The following GFRAL variants were observed in gnomAD, a reference collection of about 807,000 sequenced individuals.
GFRAL encodes the protein GDNF family receptor alpha-like.
A neutral mutation model predicts 45.4 loss-of-function variants in GFRAL; 36 were observed. That is an observed-to-expected ratio of 0.79 (90% confidence interval 0.61 to 1.05). The LOEUF is 1.05. Among genes scored for constraint, GFRAL ranks in the 50% least tolerant of loss-of-function variants. The pLI is 0.00. For missense variants in GFRAL, 507 were observed against 467.5 expected (o/e 1.08, Z -0.78); for synonymous variants, 166 against 154.1 (o/e 1.08, Z -0.57).
rs1292463664 is a variant in GFRAL, at chr6:55,402,493, C to A, written c.*640C>A. ...ACAGAAATAAAGTTTCCCTTGAAGG[C>A]AAAAAGTGTTATCCCAAGTCACATT... On this transcript the variant is annotated 3_prime_UTR_variant, in exon 9 of 9. Transcript: ENST00000340465. The A allele has an allele frequency of 6.6e-6, 1 of 151,938 alleles. No homozygotes were observed. Among genetic ancestry groups the A allele is most frequent in the Non-Finnish European group, 1.5e-5 (1 of 67,982 alleles). The allele number at this position is 151,938 out of a possible 1,614,324, so 9.4% of individuals were successfully genotyped here.
intron 6 of GFRAL, among the ~76,000 whole-genome samples, chr6:55,385,521 A>C (rs1464312262): frequency 6.6e-6 from 1 of 152,112 alleles, no homozygotes; most frequent in African/African-American, 2.4e-5. Flanking sequence ...TACCCAAAAG[A>C]AAACAGAGGC....
chr6:55,336,374 A>T (rs1447465112), intron 3 of GFRAL, among the ~76,000 whole-genome samples: 1 of 152,182 alleles, frequency 6.6e-6, no homozygotes, highest in South Asian at 2.1e-4. Context: ...AGATTTATTA[A>T]CATGATATAT....
At chr6:55,342,140 C>A (rs535989676) in intron 3 of GFRAL, among the ~76,000 whole-genome samples, 1 of 152,184 alleles carries the variant, frequency 6.6e-6, no homozygotes, top group Non-Finnish European at 1.5e-5. Context: ...TCTAGCAAGG[C>A]AGACCAACAT....
intron 6 of GFRAL, among the ~76,000 whole-genome samples, chr6:55,376,836 A>G (rs1004288427): frequency 4.6e-5 from 7 of 151,610 alleles, no homozygotes; most frequent in African/African-American, 1.2e-4. Flanking sequence ...ATCTTCTTCA[A>G]TTTATCTTGG....
rs70986715 is a variant in GFRAL, at chr6:55,397,524, C to CAAAAAAA, written c.953-1636_953-1630dup. ...TGGGCGACAGAGCGAGACTCCGTCT[C>CAAAAAAA]AAAAAAAAAAAAAAAAAAAAAAAAA... On this transcript the variant is annotated intron_variant, in intron 6 of 8. Coordinates refer to ENST00000340465, the MANE Select transcript of GFRAL (RefSeq NM_207410.2). Among the ~76,000 whole-genome samples the CAAAAAAA allele has an allele frequency of 1.3e-4, 9 of 67,412 alleles. 1 individual carries two copies. Among genetic ancestry groups the CAAAAAAA allele is most frequent in the Non-Finnish European group, 2.4e-4 (9 of 36,882 alleles). The allele number at this position is 67,412 out of a possible 152,430, so 44.2% of individuals were successfully genotyped here.
intron 6 of GFRAL, among the ~76,000 whole-genome samples, chr6:55,391,105 C>T (rs536220470): frequency 1.3e-5 from 2 of 152,032 alleles, no homozygotes; most frequent in East Asian, 1.9e-4. Context: ...ATCTAGTGGA[C>T]GACTCATTTA....
intron 6 of GFRAL, among the ~76,000 whole-genome samples, chr6:55,395,903 G>A (rs969930286): frequency 6.6e-6 from 1 of 151,960 alleles, no homozygotes; most frequent in African/African-American, 2.4e-5. Flanking sequence ...CCCATCAAAT[G>A]TACAAGGATT....
intron 8 of GFRAL, among the ~76,000 whole-genome samples, chr6:55,400,464 C>A (rs1768881745): frequency 6.6e-6 from 1 of 152,062 alleles, no homozygotes; most frequent in Non-Finnish European, 1.5e-5. Context: ...AAGGCCTTGA[C>A]AATTAGGCAA....
chr6:55,367,113 A>G (rs1484901067), intron 6 of GFRAL, among the ~76,000 whole-genome samples: 4 of 95,204 alleles, frequency 4.2e-5, no homozygotes, highest in African/African-American at 2.1e-4. Flanking sequence ...TGCTTTATGA[A>G]TCTTGGTGCT....
intron 3 of GFRAL, 139 bp downstream of exon 3, chr6:55,334,083 T>C: frequency 1.6e-6 from 1 of 613,214 alleles, no homozygotes; most frequent in Non-Finnish European, 2.6e-6. Context: ...TTTAAAAATT[T>C]TGTTGGTATA....
chr6:55,360,060 G>A (rs1025689131), intron 6 of GFRAL, among the ~76,000 whole-genome samples: 4 of 151,866 alleles, frequency 2.6e-5, no homozygotes, highest in African/African-American at 9.7e-5. Flanking sequence ...GTTTAATTTA[G>A]GGACAAGAAA....
At chr6:55,385,568 A>G (rs1401646997) in intron 6 of GFRAL, among the ~76,000 whole-genome samples, 2 of 152,124 alleles carry the variant, frequency 1.3e-5, no homozygotes, top group African/African-American at 4.8e-5. Context: ...TCACAAAAAA[A>G]GACAATAGAG....
intron 5 of GFRAL, among the ~76,000 whole-genome samples, chr6:55,356,676 A>T (rs937536465): frequency 1.3e-5 from 2 of 151,322 alleles, no homozygotes; most frequent in Non-Finnish European, 3.0e-5. Flanking sequence ...AATCTTTTGA[A>T]TTTTTTTTGT....
At chr6:55,371,839 A>G (rs1200009216) in intron 6 of GFRAL, among the ~76,000 whole-genome samples, 1 of 152,216 alleles carries the variant, frequency 6.6e-6, no homozygotes, top group Non-Finnish European at 1.5e-5. Context: ...TTTGTACAAA[A>G]AGGAAAAAAA....
chr6:55,395,353 T>C (rs1053999389), intron 6 of GFRAL, among the ~76,000 whole-genome samples: 1 of 151,768 alleles, frequency 6.6e-6, no homozygotes, highest in Non-Finnish European at 1.5e-5. Flanking sequence ...CCTCCACATA[T>C]GAAATATAAA....
intron 3 of GFRAL, among the ~76,000 whole-genome samples, chr6:55,338,109 G>C (rs1418412377): frequency 6.6e-6 from 1 of 151,648 alleles, no homozygotes; most frequent in East Asian, 1.9e-4. Flanking sequence ...ATTATATTTT[G>C]AGGCAGAGTC....
Position 55,358,952 on chromosome 6 carries a change from G to A in GFRAL, c.766G>A (p.Glu256Lys), listed in dbSNP as rs148997298. 8.0e-5 allele frequency: 129 copies of A among 1,613,032 alleles called. No individual in the cohort carries two copies. In the Middle Eastern group the frequency reaches 1.2e-3, roughly 14 times the overall value. Reference protein sequence around the residue: ...QRVTRKCHEDENCISTLSKQD... With the variant: ...QRVTRKCHEDKNCISTLSKQD... The stretch of plus-strand genomic sequence containing the variant: ...TGTGACTAGAAAGTGCCATGAAGAT[G>A]AGAATTGCATTAGCACCTTAAGCAA... The change falls in exon 6 of 9, where the codon GAG becomes AAG. Residue 256 changes from glutamate (E) to lysine (K), a missense_variant. Transcript: ENST00000340465.
chr6:55,365,933 AT>A (rs2127359209), intron 6 of GFRAL, among the ~76,000 whole-genome samples: 1 of 145,396 alleles, frequency 6.9e-6, no homozygotes, highest in East Asian at 2.0e-4. Context: ...TGGCTTTGGT[AT>A]TAGAATGATG....
intron 3 of GFRAL, among the ~76,000 whole-genome samples, chr6:55,345,604 T>G (rs951777879): frequency 1.4e-4 from 21 of 152,258 alleles, no homozygotes; most frequent in African/African-American, 4.1e-4. Flanking sequence ...GAAGAAAACC[T>G]AGGCAATACC....
Sources: gnomAD v4.1 joint callset for allele counts (sites outside exome capture counted in the v4.1 genomes callset) on GRCh38, gnomAD v4.1.1 for gene constraint, MANE v1.5 for transcripts, NCBI Gene and HGNC (gene_info 2026-07-23, HGNC 2026-07-21) for gene names.